The following PPARA variants were observed in gnomAD, a reference collection of about 807,000 sequenced individuals.
PPARA encodes peroxisome proliferator activated receptor alpha.
PPARA carries 22 observed loss-of-function variants against 42.2 expected under a neutral mutation model. The ratio of observed to expected loss-of-function variants is 0.52; its 90% CI spans 0.37 to 0.74. The LOEUF (loss-of-function observed/expected upper bound fraction) is 0.74, where lower values mean the gene tolerates loss of function less well. Ranked by LOEUF, PPARA falls within the 30% of genes least tolerant of loss-of-function variation. The probability of loss-of-function intolerance (pLI) is 0.00; values close to 1 mark genes in which losing one functional copy is unlikely to be tolerated. For missense variants in PPARA, 465 were observed against 608.2 expected (o/e 0.76, Z 2.48); for synonymous variants, 242 against 239.3 (o/e 1.01, Z -0.10).
chr22:46,240,250 G>A lies in PPARA; in HGVS notation c.*4870G>A. 1 of 398,660 alleles carries A rather than the reference G, an allele frequency of 2.5e-6. No individual in the cohort carries two copies. Among genetic ancestry groups the A allele is most frequent in the East Asian group, 3.6e-5 (1 of 28,076 alleles). 24.7% of individuals were successfully genotyped at this position (398,660 alleles called of 1,614,324 possible). A position where few individuals can be genotyped will look rare whatever the true frequency, so the allele number is the denominator to read the frequency against. On this transcript the variant is annotated 3_prime_UTR_variant, in exon 9 of 9. Transcript: ENST00000407236. The surrounding 1 kb of genome is among the most constrained non-coding windows in gnomAD (Gnocchi z 6.0). Reference sequence around the variant, plus strand: ...TGTGGTCTCCTCAGCTGTTTGAGGGGGTAACAGCAAATCAGCCTCCATTTT... The same window carrying A: ...TGTGGTCTCCTCAGCTGTTTGAGGGAGTAACAGCAAATCAGCCTCCATTTT...
intron 4 of PPARA, among the ~76,000 whole-genome samples, chr22:46,205,477 C>T (rs1933142136): frequency 7.2e-6 from 1 of 138,884 alleles, no homozygotes; most frequent in Non-Finnish European, 1.5e-5. Context: ...ATCTCAGCCT[C>T]CCAAAGTGTT....
At position 46,150,919 on chromosome 22, in the gene PPARA, G is replaced by C. The variant is rs1404637631; in HGVS notation, c.-210+267G>C. ...GGGGCCCAGCTCGGCCTCCCTCCTA[G>C]CGCTGGGGGCCTGCCCGGAACCCGA... is the stretch of plus-strand genomic sequence containing the variant. On this transcript the variant is annotated intron_variant, in intron 1 of 8. Coordinates refer to ENST00000407236, the MANE Select transcript of PPARA (RefSeq NM_005036.6). This position sits in a 1 kb window ranked among gnomAD's most constrained non-coding sequence, Gnocchi z 7.5. 1 of 152,178 alleles carries C rather than the reference G, an allele frequency of 6.6e-6. No individual in the cohort carries two copies. Among genetic ancestry groups the C allele is most frequent in the Non-Finnish European group, 1.5e-5 (1 of 68,076 alleles). 9.4% of individuals were successfully genotyped at this position (152,178 alleles called of 1,614,324 possible).
chr22:46,171,800 G>A lies in PPARA; in HGVS notation c.-126-4953G>A, dbSNP rs908288618. Among the ~76,000 whole-genome samples the A allele has an allele frequency of 6.6e-6, 1 of 152,174 alleles. No homozygotes were observed. The highest frequency in any genetic ancestry group is 1.5e-5 in the Non-Finnish European group (1 of 68,028). ...GGTCGGGGCCGTTGTGAGGACTCTG[G>A]TTTGTGTTGTGTGTGAAAGGCCATG... is the stretch of plus-strand genomic sequence containing the variant. On this transcript the variant is annotated intron_variant, in intron 2 of 8. Transcript: ENST00000407236. This position sits in a 1 kb window ranked among gnomAD's most constrained non-coding sequence, Gnocchi z 5.0.
intron 2 of PPARA, chr22:46,154,961 C>T (rs1409605784): frequency 8.6e-6 from 1 of 116,650 alleles, no homozygotes; most frequent in Non-Finnish European, 1.6e-5. Context: ...CCATGAACCA[C>T]TGCACCCGGC....
rs185398952 is a variant in PPARA, at chr22:46,191,574, C to T, written c.-42-6768C>T. Among the ~76,000 whole-genome samples the T allele has an allele frequency of 7.9e-5, 12 of 151,858 alleles. No homozygotes were observed. In the East Asian group the frequency reaches 1.7e-3, roughly 22 times the overall value. On this transcript the variant is annotated intron_variant, in intron 3 of 8. Coordinates refer to ENST00000407236, the MANE Select transcript of PPARA (RefSeq NM_005036.6). This position sits in a 1 kb window ranked among gnomAD's most constrained non-coding sequence, Gnocchi z 4.6. ...TCTGCAAATTAGATCACCTTTCCCACGCAGAGTCCCTTTGACTTCTGTTCT... is the reference window on the plus strand; with the variant it reads ...TCTGCAAATTAGATCACCTTTCCCATGCAGAGTCCCTTTGACTTCTGTTCT...
Position 46,224,832 on chromosome 22 carries a change from C to T in PPARA, c.711+4818C>T, listed in dbSNP as rs997783650. Among the ~76,000 whole-genome samples the T allele has an allele frequency of 6.6e-6, 1 of 152,226 alleles. No individual in the cohort carries two copies. Among genetic ancestry groups the T allele is most frequent in the African/African-American group, 2.4e-5 (1 of 41,458 alleles). On this transcript the variant is annotated intron_variant, in intron 7 of 8. Coordinates refer to ENST00000407236, the MANE Select transcript of PPARA (RefSeq NM_005036.6). This position sits in a 1 kb window ranked among gnomAD's most constrained non-coding sequence, Gnocchi z 5.7. Reference sequence around the variant, plus strand: ...GGATGGATAGATTTTAATTTCAAAGCAGCCCTCTGGTTTGCTATAAGCGGG... The same window carrying T: ...GGATGGATAGATTTTAATTTCAAAGTAGCCCTCTGGTTTGCTATAAGCGGG...
intron 2 of PPARA, among the ~76,000 whole-genome samples, chr22:46,154,823 G>A (rs1281292005): frequency 3.3e-5 from 5 of 149,908 alleles, no homozygotes; most frequent in South Asian, 2.1e-4. Flanking sequence ...ACAGGCACAC[G>A]CCACCAGGCC....
chr22:46,161,459 G>A lies in PPARA; in HGVS notation c.-127+9489G>A, dbSNP rs974858115. Among the ~76,000 whole-genome samples the A allele has an allele frequency of 1.3e-5, 2 of 152,070 alleles. No individual in the cohort carries two copies. Among genetic ancestry groups the A allele is most frequent in the African/African-American group, 4.8e-5 (2 of 41,404 alleles). ...TACAAAATTTAGCTGGGCATGGTAT[G>A]GCTGTAGTCCCAGCTACTCGGGAGG... On this transcript the variant is annotated intron_variant, in intron 2 of 8. Transcript: ENST00000407236. This position sits in a 1 kb window ranked among gnomAD's most constrained non-coding sequence, Gnocchi z 4.8.
chr22:46,170,958 C>T (rs570438502), intron 2 of PPARA, among the ~76,000 whole-genome samples: 6 of 151,744 alleles, frequency 4.0e-5, no homozygotes, highest in East Asian at 1.9e-4. Flanking sequence ...GTCAGGAGTT[C>T]GAGACCAGCC....
At chr22:46,154,282 C>T (rs1282344704) in intron 2 of PPARA, among the ~76,000 whole-genome samples, 1 of 152,168 alleles carries the variant, frequency 6.6e-6, no homozygotes, top group African/African-American at 2.4e-5. Flanking sequence ...GGCCAGTGTT[C>T]TTTTTCTTGC....
rs1439557496 is a variant in PPARA, at chr22:46,204,542, CT to C, written c.208+5956del. On this transcript the variant is annotated intron_variant, in intron 4 of 8. Coordinates refer to ENST00000407236, the MANE Select transcript of PPARA (RefSeq NM_005036.6). This position sits in a 1 kb window ranked among gnomAD's most constrained non-coding sequence, Gnocchi z 5.2. ...CTCATCAACATGAGGCATGATCAGTCTTTTTAATTTTAACCATGTCAGTAGG... is the reference window on the plus strand; with the variant it reads ...CTCATCAACATGAGGCATGATCAGTCTTTTAATTTTAACCATGTCAGTAGG... Among the ~76,000 whole-genome samples, 1 of 152,170 alleles carries C rather than the reference CT, an allele frequency of 6.6e-6. No individual in the cohort carries two copies. Among genetic ancestry groups the C allele is most frequent in the Admixed American group, 6.6e-5 (1 of 15,256 alleles).
In PPARA at chr22:46,232,255, A is replaced by G. The variant is rs1250618736; in HGVS notation, c.1159+16A>G. ...TGCTGTGGAGGTGAGTGGTTGATTT[A>G]ATCTGCTGGTATCATGTCACTGACA... On this transcript the variant is annotated intron_variant, in intron 8 of 8. Coordinates refer to ENST00000407236, the MANE Select transcript of PPARA (RefSeq NM_005036.6). The surrounding 1 kb of genome is among the most constrained non-coding windows in gnomAD (Gnocchi z 5.3). 1.9e-6 allele frequency: 3 copies of G among 1,612,112 alleles called. No individual in the cohort carries two copies. The highest frequency in any genetic ancestry group is 1.7e-5 in the Admixed American group (1 of 59,990).
chr22:46,205,550 A>G (rs1485683199), intron 4 of PPARA, among the ~76,000 whole-genome samples: 7 of 27,894 alleles, frequency 2.5e-4, no homozygotes, highest in African/African-American at 1.3e-3. Flanking sequence ...ATATATATAT[A>G]TATATTTTTT....
intron 2 of PPARA, among the ~76,000 whole-genome samples, chr22:46,154,592 G>T (rs952191877): frequency 1.4e-4 from 22 of 152,202 alleles, no homozygotes; most frequent in Admixed American, 4.6e-4. Flanking sequence ...ACTCCAGCCT[G>T]GGTGACAGAG....
intron 4 of PPARA, among the ~76,000 whole-genome samples, chr22:46,210,583 C>T (rs188331045): frequency 2.0e-5 from 3 of 152,100 alleles, no homozygotes; most frequent in Admixed American, 6.5e-5. Context: ...GCTGGGATTA[C>T]AGGTGCTCAC....
In PPARA at chr22:46,211,285, G is replaced by C. The variant is rs1933903459; in HGVS notation, c.209-3888G>C. Among the ~76,000 whole-genome samples, 1 of 152,118 alleles carries C rather than the reference G, an allele frequency of 6.6e-6. No individual in the cohort carries two copies. The highest frequency in any genetic ancestry group is 2.4e-5 in the African/African-American group (1 of 41,418). On this transcript the variant is annotated intron_variant, in intron 4 of 8. Transcript: ENST00000407236. The surrounding 1 kb of genome is among the most constrained non-coding windows in gnomAD (Gnocchi z 4.1). The stretch of plus-strand genomic sequence containing the variant: ...TCTAGCCTCCTCCACTTGCCTACCT[G>C]TCAATTCACCATTCCTTGAGTTCAT...
intron 2 of PPARA, among the ~76,000 whole-genome samples, chr22:46,152,641 C>A (rs1288407094): frequency 6.6e-6 from 1 of 152,144 alleles, no homozygotes; most frequent in African/African-American, 2.4e-5. Context: ...GAATATTAAG[C>A]AGATGGCTTC....
At position 46,222,900 on chromosome 22, in the gene PPARA, C is replaced by CT. The variant is rs1935111960; in HGVS notation, c.711+2887dup. 6.6e-6 allele frequency among the ~76,000 whole-genome samples: 1 copy of CT among 152,176 alleles called. No individual in the cohort carries two copies. The highest frequency in any genetic ancestry group is 2.4e-5 in the African/African-American group (1 of 41,446). On this transcript the variant is annotated intron_variant, in intron 7 of 8. Coordinates refer to ENST00000407236, the MANE Select transcript of PPARA (RefSeq NM_005036.6). This position sits in a 1 kb window ranked among gnomAD's most constrained non-coding sequence, Gnocchi z 5.9. Reference sequence around the variant, plus strand: ...ACTAGCTGGGCATGGTGGCATGTGCCTGTGGTCCCAGGTACTTGGGAAGCT... The same window carrying CT: ...ACTAGCTGGGCATGGTGGCATGTGCCTTGTGGTCCCAGGTACTTGGGAAGCT...
At chr22:46,153,229 G>A (rs939854744) in intron 2 of PPARA, among the ~76,000 whole-genome samples, 2 of 140,426 alleles carry the variant, frequency 1.4e-5, no homozygotes, top group African/African-American at 5.3e-5. Context: ...GAGTGCAGTG[G>A]CATGATCTTG....
Sources: allele counts gnomAD v4.1 joint callset (sites outside exome capture counted in the v4.1 genomes callset), GRCh38; gene constraint gnomAD v4.1.1; non-coding constraint Gnocchi (gnomAD v3.1); transcripts MANE v1.5; gene names NCBI Gene and HGNC (gene_info 2026-07-23, HGNC 2026-07-21).